The following PPP3CA variants were observed in gnomAD, a reference collection of about 807,000 sequenced individuals.
The protein encoded by PPP3CA is CAM-PRP catalytic subunit.
PPP3CA carries 14 observed loss-of-function variants against 66.5 expected under a neutral mutation model. That is an observed-to-expected ratio of 0.21 (90% CI 0.14 to 0.33). PPP3CA has a LOEUF of 0.33. Ranked by LOEUF, PPP3CA falls within the 10% of genes least tolerant of loss-of-function variation. PPP3CA has a pLI of 1.00. For missense variants in PPP3CA, 317 were observed against 639.5 expected (o/e 0.50, Z 5.44); for synonymous variants, 232 against 226.2 (o/e 1.03, Z -0.23).
At chr4:101,129,108 T>C (rs1365878194) in intron 2 of PPP3CA, among the ~76,000 whole-genome samples, 1 of 152,140 alleles carries the variant, frequency 6.6e-6, no homozygotes, top group Non-Finnish European at 1.5e-5. Flanking sequence ...AGTTTTCCCC[T>C]CACAGTGTAA....
At chr4:101,231,054 A>C (rs1313771351) in intron 1 of PPP3CA, among the ~76,000 whole-genome samples, 1 of 151,710 alleles carries the variant, frequency 6.6e-6, no homozygotes, top group Non-Finnish European at 1.5e-5. Context: ...TTCCAGATCC[A>C]CGATTTTCAA....
intron 6 of PPP3CA, among the ~76,000 whole-genome samples, chr4:101,089,160 A>G (rs977386263): frequency 1.3e-5 from 2 of 152,186 alleles, no homozygotes; most frequent in Non-Finnish European, 2.9e-5. Context: ...AACTGGCCAT[A>G]GAGTTTACAG....
chr4:101,207,251 C>T (rs11935220), intron 1 of PPP3CA, among the ~76,000 whole-genome samples: 1 of 152,094 alleles, frequency 6.6e-6, no homozygotes, highest in Non-Finnish European at 1.5e-5. Context: ...CAAATATTTC[C>T]TTTAAAGGAA....
chr4:101,165,143 C>G (rs747966958), intron 2 of PPP3CA, among the ~76,000 whole-genome samples: 3 of 152,096 alleles, frequency 2.0e-5, no homozygotes, highest in Non-Finnish European at 4.4e-5. Context: ...ATAACAACAA[C>G]AGCAACAAAC....
At chr4:101,074,822 CT>C (rs1458654227) in intron 8 of PPP3CA, among the ~76,000 whole-genome samples, 1 of 152,142 alleles carries the variant, frequency 6.6e-6, no homozygotes, top group Non-Finnish European at 1.5e-5. Context: ...AAAGGATAGA[CT>C]TTTGCATCTC....
At chr4:101,055,232 G>A (rs75512309) in intron 10 of PPP3CA, among the ~76,000 whole-genome samples, 9,655 of 152,058 alleles carry the variant, frequency 0.063, 346 homozygotes, top group African/African-American at 0.093. Flanking sequence ...AGAAACTCTT[G>A]TAATGAAGGT....
chr4:101,327,039 C>T (rs1729229891), intron 1 of PPP3CA, among the ~76,000 whole-genome samples: 1 of 152,140 alleles, frequency 6.6e-6, no homozygotes, highest in African/African-American at 2.4e-5. Context: ...AACCAAATCA[C>T]TCACAAAATC....
intron 3 of PPP3CA, among the ~76,000 whole-genome samples, chr4:101,106,683 T>C (rs1021317447): frequency 2.0e-5 from 3 of 152,100 alleles, no homozygotes; most frequent in African/African-American, 7.2e-5. Context: ...GTTGAAGGAA[T>C]TGGGCCATTT....
intron 1 of PPP3CA, among the ~76,000 whole-genome samples, chr4:101,343,762 G>A (rs560282646): frequency 1.3e-5 from 2 of 152,210 alleles, no homozygotes; most frequent in South Asian, 4.1e-4. Flanking sequence ...CTGAATACAT[G>A]CTAGCAGATT....
At chr4:101,301,938 A>G (rs1056116247) in intron 1 of PPP3CA, among the ~76,000 whole-genome samples, 1 of 151,892 alleles carries the variant, frequency 6.6e-6, no homozygotes, top group African/African-American at 2.4e-5. Context: ...TTCTGCAAAA[A>G]TTGACCCATT....
At chr4:101,193,528 A>G (rs1034546657) in intron 2 of PPP3CA, among the ~76,000 whole-genome samples, 6 of 151,770 alleles carry the variant, frequency 4.0e-5, no homozygotes, top group African/African-American at 1.5e-4. Flanking sequence ...GATAAACTTC[A>G]TCTCTACTCC....
At chr4:101,085,191 T>C (rs1729610391) in intron 6 of PPP3CA, among the ~76,000 whole-genome samples, 1 of 152,228 alleles carries the variant, frequency 6.6e-6, no homozygotes, top group African/African-American at 2.4e-5. Context: ...CCCTATCTTT[T>C]TTCTTTTTTT....
chr4:101,172,254 G>A (rs1380326670), intron 2 of PPP3CA, among the ~76,000 whole-genome samples: 2 of 152,078 alleles, frequency 1.3e-5, no homozygotes, highest in Non-Finnish European at 2.9e-5. Flanking sequence ...TAGAACCAGA[G>A]AGATTGGTCC....
chr4:101,116,813 A>G (rs1721851409), intron 2 of PPP3CA, among the ~76,000 whole-genome samples: 1 of 151,908 alleles, frequency 6.6e-6, no homozygotes, highest in African/African-American at 2.4e-5. Flanking sequence ...ACTTTTTCAA[A>G]GGATAAATAT....
At chr4:101,158,761 G>A (rs948123652) in intron 2 of PPP3CA, among the ~76,000 whole-genome samples, 2 of 152,070 alleles carry the variant, frequency 1.3e-5, no homozygotes, top group African/African-American at 4.8e-5. Context: ...TGAATAAGTT[G>A]CAGTTTACCA....
At position 101,334,255 on chromosome 4, in the gene PPP3CA, C is replaced by A. The variant is rs911686480; in HGVS notation, c.58+12484G>T. ...GTTCAAGCGATTCTCTTGCCTCAGC[C>A]TCCCAAGTAGCTGGGATTACAGGCG... On this transcript the variant is annotated intron_variant, in intron 1 of 13. Transcript: ENST00000394854. 2.6e-5 allele frequency among the ~76,000 whole-genome samples: 4 copies of A among 152,216 alleles called. No homozygotes were observed. In the South Asian group the frequency reaches 8.3e-4, roughly 32 times the overall value.
intron 1 of PPP3CA, among the ~76,000 whole-genome samples, chr4:101,341,427 A>G (rs1729814410): frequency 6.6e-6 from 1 of 152,134 alleles, no homozygotes; most frequent in African/African-American, 2.4e-5. Flanking sequence ...TTTAACTATA[A>G]AAATAAATGT....
chr4:101,288,791 T>C (rs1727925129), intron 1 of PPP3CA, among the ~76,000 whole-genome samples: 1 of 152,288 alleles, frequency 6.6e-6, no homozygotes, highest in African/African-American at 2.4e-5. Flanking sequence ...AAAATGTTTA[T>C]ATGCTGTTCT....
At chr4:101,264,581 C>T (rs1294995574) in intron 1 of PPP3CA, among the ~76,000 whole-genome samples, 1 of 152,086 alleles carries the variant, frequency 6.6e-6, no homozygotes, top group African/African-American at 2.4e-5. Context: ...CAGAAAAATG[C>T]AAAATGTACA....
Sources: allele counts gnomAD v4.1 joint callset (sites outside exome capture counted in the v4.1 genomes callset), GRCh38; gene constraint gnomAD v4.1.1; transcripts MANE v1.5; gene names NCBI Gene and HGNC (gene_info 2026-07-23, HGNC 2026-07-21).